Variants in MAGI2 observed in about 807,000 individuals in gnomAD.
MAGI2 encodes the protein membrane-associated guanylate kinase, WW and PDZ domain-containing protein 2.
MAGI2 carries 35 observed loss-of-function variants against 133.3 expected under a neutral mutation model. The observed-to-expected ratio is 0.26, with a 90% CI of 0.20 to 0.35. The LOEUF is 0.35. Ranked by LOEUF, MAGI2 falls within the 10% of genes least tolerant of loss-of-function variation. MAGI2 has a pLI of 1.00. For synonymous variants in MAGI2, 729 were observed against 710.6 expected, an observed-to-expected ratio of 1.03 and a Z score of -0.41; for missense variants, 1,636 against 1,863.4, an observed-to-expected ratio of 0.88 and a Z score of 2.25.
At chr7:78,416,462 G>T (rs1798312449) in intron 6 of MAGI2, among the ~76,000 whole-genome samples, 1 of 152,122 alleles carries the variant, frequency 6.6e-6, no homozygotes, top group Non-Finnish European at 1.5e-5. Flanking sequence ...CATATGAAAT[G>T]ATTGTATTCC....
At chr7:78,400,853 T>G (rs1198522066) in intron 6 of MAGI2, among the ~76,000 whole-genome samples, 1 of 152,120 alleles carries the variant, frequency 6.6e-6, no homozygotes, top group Non-Finnish European at 1.5e-5. Flanking sequence ...AGATTTAAGT[T>G]TATGTATATT....
In MAGI2 at chr7:79,260,625, C is replaced by T. The variant is rs575144399; in HGVS notation, c.301+192395G>A. Among the ~76,000 whole-genome samples, 5 of 152,138 alleles carry T rather than the reference C, an allele frequency of 3.3e-5. No homozygotes were observed. The East Asian group carries it at 9.7e-4, about 29-fold the overall frequency. On this transcript the variant is annotated intron_variant, in intron 1 of 21. Coordinates refer to ENST00000354212, the MANE Select transcript of MAGI2 (RefSeq NM_012301.4). ...AATTTATGAACATTGACATGATGCC[C>T]CAATGGAAAACTCCATACCTGACCT...
chr7:78,883,540 CA>C (rs1253174595), intron 2 of MAGI2, among the ~76,000 whole-genome samples: 2 of 151,846 alleles, frequency 1.3e-5, no homozygotes, highest in African/African-American at 4.8e-5. Context: ...CATATAGAAC[CA>C]AAAAAGAGCC....
chr7:78,423,043 T>C (rs1174351519), intron 6 of MAGI2, among the ~76,000 whole-genome samples: 1 of 152,198 alleles, frequency 6.6e-6, no homozygotes, highest in Non-Finnish European at 1.5e-5. Flanking sequence ...AACATTTTTG[T>C]TCTGTTTTGA....
At chr7:79,046,184 G>A (rs925933911) in intron 1 of MAGI2, among the ~76,000 whole-genome samples, 4 of 152,108 alleles carry the variant, frequency 2.6e-5, no homozygotes, top group Non-Finnish European at 4.4e-5. Flanking sequence ...CTATGATGAC[G>A]TCCTAATCCC....
At chr7:78,735,145 TAC>T (rs1821726561) in intron 2 of MAGI2, among the ~76,000 whole-genome samples, 4 of 152,224 alleles carry the variant, frequency 2.6e-5, no homozygotes, top group African/African-American at 9.6e-5. Flanking sequence ...TCCATGTGTG[TAC>T]AGATTGCCCA....
chr7:78,637,431 TA>T (rs201371316), intron 2 of MAGI2, among the ~76,000 whole-genome samples: 7,022 of 135,742 alleles, frequency 0.052, 225 homozygotes, highest in East Asian at 0.13. Flanking sequence ...GATAATATGT[TA>T]AAAAAAAAAA....
chr7:79,069,757 G>A (rs1018832839), intron 1 of MAGI2, among the ~76,000 whole-genome samples: 1 of 152,036 alleles, frequency 6.6e-6, no homozygotes, highest in East Asian at 1.9e-4. Context: ...TGTTCCTTTC[G>A]ATGTTTACTG....
chr7:79,021,744 ATT>A (rs1315483372), intron 1 of MAGI2, among the ~76,000 whole-genome samples: 1 of 152,140 alleles, frequency 6.6e-6, no homozygotes, highest in African/African-American at 2.4e-5. Flanking sequence ...GCTGGAATGA[ATT>A]AAGATTTTGG....
In MAGI2 at chr7:78,778,991, A is replaced by G. The variant is rs183001915; in HGVS notation, c.419-151752T>C. Among the ~76,000 whole-genome samples the G allele has an allele frequency of 6.4e-5, 9 of 140,148 alleles. No homozygotes were observed. In the East Asian group the frequency reaches 1.9e-3, roughly 29 times the overall value. The allele number at this position is 140,148 out of a possible 152,430, so 91.9% of individuals were successfully genotyped here. On this transcript the variant is annotated intron_variant, in intron 2 of 21. Coordinates refer to ENST00000354212, the MANE Select transcript of MAGI2 (RefSeq NM_012301.4). ...GTGTGATCTCAGCTCACTGCAACCT[A>G]TGCCTCCCCGGTTCAAGCGATTCTC...
At chr7:78,021,098 G>A (rs1808353139) in intron 21 of MAGI2, among the ~76,000 whole-genome samples, 1 of 152,120 alleles carries the variant, frequency 6.6e-6, no homozygotes, top group Non-Finnish European at 1.5e-5. Flanking sequence ...AAGGACAGAT[G>A]TATTAGGAAT....
intron 21 of MAGI2, among the ~76,000 whole-genome samples, chr7:78,024,752 A>G (rs916099580): frequency 3.9e-5 from 6 of 152,208 alleles, no homozygotes; most frequent in Non-Finnish European, 1.5e-5. Flanking sequence ...GAAGACAGAA[A>G]TTTCTAAAAT....
At chr7:79,391,028 C>T (rs777620970) in intron 1 of MAGI2, among the ~76,000 whole-genome samples, 2 of 152,060 alleles carry the variant, frequency 1.3e-5, no homozygotes, top group African/African-American at 2.4e-5. Flanking sequence ...ACTCAATACA[C>T]GAAATGTAGC....
chr7:78,418,758 T>C (rs1306179363), intron 6 of MAGI2, among the ~76,000 whole-genome samples: 2 of 152,154 alleles, frequency 1.3e-5, no homozygotes, highest in East Asian at 3.9e-4. Flanking sequence ...AGGGCAAATA[T>C]AGCCATTTCA....
chr7:78,207,973 C>T (rs548066208), intron 10 of MAGI2, among the ~76,000 whole-genome samples: 309 of 152,132 alleles, frequency 2.0e-3, no homozygotes, highest in African/African-American at 7.1e-3. Context: ...CAGGTTCAAG[C>T]AGTTCTCTGC....
At chr7:79,027,450 G>A (rs887473151) in intron 1 of MAGI2, among the ~76,000 whole-genome samples, 3 of 151,994 alleles carry the variant, frequency 2.0e-5, no homozygotes, top group African/African-American at 7.2e-5. Flanking sequence ...AATAAGCTAG[G>A]CACAGAAAGA....
At chr7:78,535,801 C>T (rs1797837756) in intron 3 of MAGI2, among the ~76,000 whole-genome samples, 1 of 152,002 alleles carries the variant, frequency 6.6e-6, no homozygotes, top group Admixed American at 6.6e-5. Flanking sequence ...AGATATTTTG[C>T]AGACCCTGCA....
intron 2 of MAGI2, among the ~76,000 whole-genome samples, chr7:78,826,213 G>A (rs1790621248): frequency 6.6e-6 from 1 of 151,952 alleles, no homozygotes. Context: ...AATTAGCCAG[G>A]TGTGGTGGCA....
At chr7:78,826,292 T>C (rs932117576) in intron 2 of MAGI2, among the ~76,000 whole-genome samples, 4 of 148,784 alleles carry the variant, frequency 2.7e-5, no homozygotes, top group Non-Finnish European at 1.5e-5. Flanking sequence ...AGGCGGAGCT[T>C]GCAGTAAGCC....
Sources: gnomAD v4.1 joint callset for allele counts (sites outside exome capture counted in the v4.1 genomes callset) on GRCh38, gnomAD v4.1.1 for gene constraint, MANE v1.5 for transcripts, NCBI Gene and HGNC (gene_info 2026-07-23, HGNC 2026-07-21) for gene names.